CHSY3: variants seen among roughly 807,000 people sequenced by gnomAD.
CHSY3 encodes N-acetylgalactosaminyl-proteoglycan 3-beta-glucuronosyltransferase 3.
A neutral mutation model predicts 67.2 loss-of-function variants in CHSY3; 35 were observed. The observed-to-expected ratio is 0.52, with a 90% CI of 0.40 to 0.69. The LOEUF (loss-of-function observed/expected upper bound fraction) is 0.69. CHSY3 is among the 30% of genes least tolerant of loss of function. The pLI, the probability that CHSY3 is intolerant of heterozygous loss-of-function variation, is 0.00. For synonymous variants in CHSY3, 474 were observed against 434.7 expected, an observed-to-expected ratio of 1.09 and a Z score of -1.12; for missense variants, 1,069 against 1,138.5, an observed-to-expected ratio of 0.94 and a Z score of 0.88.
At chr5:129,906,450 G>C (rs1760304182) in intron 1 of CHSY3, among the ~76,000 whole-genome samples, 2 of 152,220 alleles carry the variant, frequency 1.3e-5, no homozygotes, top group South Asian at 4.1e-4. Flanking sequence ...TTCCTTTCCA[G>C]TGCATTTTGT....
intron 2 of CHSY3, among the ~76,000 whole-genome samples, chr5:130,026,155 A>T (rs1764535842): frequency 6.6e-6 from 1 of 152,044 alleles, no homozygotes; most frequent in Non-Finnish European, 1.5e-5. Context: ...GATATTTCTG[A>T]TCTCTGCAGC....
At chr5:130,002,142 A>C in intron 2 of CHSY3, 1 of 870,496 alleles carries the variant, frequency 1.1e-6, no homozygotes, top group Non-Finnish European at 1.4e-6. Context: ...CCTTGAGAGA[A>C]TCATTCAGGT....
chr5:129,961,579 C>T (rs781594476), intron 2 of CHSY3, among the ~76,000 whole-genome samples: 2 of 151,930 alleles, frequency 1.3e-5, no homozygotes, highest in African/African-American at 4.8e-5. Flanking sequence ...CTTTCCACAC[C>T]TTTTGTTTCT....
intron 2 of CHSY3, among the ~76,000 whole-genome samples, chr5:130,091,014 G>T (rs1270508474): frequency 6.6e-6 from 1 of 151,960 alleles, no homozygotes; most frequent in Non-Finnish European, 1.5e-5. Flanking sequence ...TTATATTTGG[G>T]ATGTTCTGTT....
intron 2 of CHSY3, among the ~76,000 whole-genome samples, chr5:129,992,063 A>G (rs994012290): frequency 4.6e-5 from 7 of 152,204 alleles, no homozygotes; most frequent in African/African-American, 1.7e-4. Context: ...AATTAATTAA[A>G]GTTGTTTTGT....
chr5:130,176,878 A>G (rs1435860749), intron 2 of CHSY3, among the ~76,000 whole-genome samples: 1 of 152,090 alleles, frequency 6.6e-6, no homozygotes, highest in East Asian at 1.9e-4. Context: ...CATTAGGATA[A>G]ATACCTAATG....
intron 2 of CHSY3, among the ~76,000 whole-genome samples, chr5:129,979,199 CAAAAAAAAAAA>C (rs58584381): frequency 1.6e-5 from 1 of 62,526 alleles, no homozygotes; most frequent in Non-Finnish European, 2.8e-5. Flanking sequence ...GACTCCGTCT[CAAAAAAAAAAA>C]AAAAAAAAAA....
intron 2 of CHSY3, among the ~76,000 whole-genome samples, chr5:130,129,733 G>A (rs183436345): frequency 4.7e-4 from 72 of 152,172 alleles, no homozygotes; most frequent in African/African-American, 1.4e-3. Flanking sequence ...CGCACTGCCC[G>A]TTTCTAGTTG....
intron 2 of CHSY3, among the ~76,000 whole-genome samples, chr5:129,960,406 CT>C (rs1762297546): frequency 6.6e-6 from 1 of 151,898 alleles, no homozygotes; most frequent in Non-Finnish European, 1.5e-5. Flanking sequence ...ACTGGGTATA[CT>C]TTTTAATAAA....
chr5:129,947,360 A>G (rs898409008), intron 2 of CHSY3, among the ~76,000 whole-genome samples: 3 of 152,172 alleles, frequency 2.0e-5, no homozygotes, highest in Non-Finnish European at 4.4e-5. Context: ...GCAGTGGCCC[A>G]CACCAGTAAT....
intron 2 of CHSY3, among the ~76,000 whole-genome samples, chr5:129,986,030 T>C (rs1763190597): frequency 6.6e-6 from 1 of 152,074 alleles, no homozygotes; most frequent in Non-Finnish European, 1.5e-5. Context: ...ATTTCTTTCT[T>C]TTGCCTAATT....
Position 130,184,520 on chromosome 5 carries a change from A to C in CHSY3, c.1378A>C (p.Arg460=), listed in dbSNP as rs780402892. The C allele has an allele frequency of 1.6e-5, 25 of 1,610,848 alleles. No homozygotes were observed. Among genetic ancestry groups the C allele is most frequent in the African/African-American group, 2.7e-5 (2 of 74,868 alleles). ...PSFNHFQPRE[R]NEVIEWEFLT... is the part of the protein sequence containing the mutation. Reference sequence around the variant, plus strand: ...TTTCAACCACTTCCAGCCTCGGGAGAGAAATGAAGTGATAGAATGGGAGTT... The same window carrying C: ...TTTCAACCACTTCCAGCCTCGGGAGCGAAATGAAGTGATAGAATGGGAGTT... Residue 460 remains arginine (R), a synonymous_variant, in exon 3 of 3, where the codon AGA becomes CGA. Transcript: ENST00000305031.
At chr5:130,086,231 T>G (rs948852883) in intron 2 of CHSY3, among the ~76,000 whole-genome samples, 1 of 152,040 alleles carries the variant, frequency 6.6e-6, no homozygotes, top group East Asian at 1.9e-4. Flanking sequence ...CCCATTATTA[T>G]TGTGTGGGAG....
chr5:130,024,217 C>A (rs566561449), intron 2 of CHSY3, among the ~76,000 whole-genome samples: 11 of 151,646 alleles, frequency 7.3e-5, no homozygotes, highest in African/African-American at 2.7e-4. Context: ...ACCCCCACCC[C>A]CAGGGAGAAT....
chr5:130,121,934 G>A (rs1007150520), intron 2 of CHSY3, among the ~76,000 whole-genome samples: 31 of 151,958 alleles, frequency 2.0e-4, no homozygotes, highest in Non-Finnish European at 3.1e-4. Context: ...GGACATGTCC[G>A]TCTGGGCTCA....
At chr5:129,908,584 A>G (rs984248170) in intron 2 of CHSY3, among the ~76,000 whole-genome samples, 1 of 152,092 alleles carries the variant, frequency 6.6e-6, no homozygotes, top group Non-Finnish European at 1.5e-5. Context: ...GCAGTGGCCT[A>G]TACTTATGGC....
In CHSY3 at chr5:130,062,828, C is replaced by T. The variant is rs146351142; in HGVS notation, c.1087-121401C>T. Among the ~76,000 whole-genome samples, 286 of 151,610 alleles carry T rather than the reference C, an allele frequency of 1.9e-3. 3 individuals are homozygous for T. The highest frequency in any genetic ancestry group is 6.7e-3 in the African/African-American group (278 of 41,380). ...TTATATATCAGACTGAAATAAATATCGAGCATATTTTAAGTTATATATTAA... is the reference window on the plus strand; with the variant it reads ...TTATATATCAGACTGAAATAAATATTGAGCATATTTTAAGTTATATATTAA... On this transcript the variant is annotated intron_variant, in intron 2 of 2. Transcript: ENST00000305031.
chr5:130,047,806 TTATGTATATGCGAATA>T lies in CHSY3; in HGVS notation c.1087-136417_1087-136402del, dbSNP rs556735761. 1.7e-3 allele frequency among the ~76,000 whole-genome samples: 261 copies of T among 152,202 alleles called. 1 individual carries two copies. The highest frequency in any genetic ancestry group is 6.8e-3 in the Middle Eastern group (2 of 294). ...AATCAAATCAAATACTATCATTGCA[TTATGTATATGCGAATA>T]TATGTTTTAACGAATTTTGTTAATT... On this transcript the variant is annotated intron_variant, in intron 2 of 2. Coordinates refer to ENST00000305031, the MANE Select transcript of CHSY3 (RefSeq NM_175856.5).
At chr5:130,089,529 A>T (rs1243314809) in intron 2 of CHSY3, among the ~76,000 whole-genome samples, 1 of 152,170 alleles carries the variant, frequency 6.6e-6, no homozygotes, top group Admixed American at 6.6e-5. Context: ...GGCAAATGGT[A>T]CAAAATGTGT....
Sources: gnomAD v4.1 joint callset for allele counts (sites outside exome capture counted in the v4.1 genomes callset) on GRCh38, gnomAD v4.1.1 for gene constraint, MANE v1.5 for transcripts, NCBI Gene and HGNC (gene_info 2026-07-23, HGNC 2026-07-21) for gene names.